Variants in SNX18 observed in about 807,000 individuals in gnomAD.
SNX18 encodes sorting nexin-18.
In SNX18, 35 loss-of-function variants were observed where a neutral mutation model predicts 48.7. The ratio of observed to expected loss-of-function variants is 0.72; its 90% confidence interval spans 0.55 to 0.95. The LOEUF (loss-of-function observed/expected upper bound fraction) is 0.95, where lower values mean the gene tolerates loss of function less well. SNX18 is among the 40% of genes least tolerant of loss of function. The pLI, the probability that SNX18 is intolerant of heterozygous loss-of-function variation, is 0.00. For missense variants in SNX18, 824 were observed against 871.0 expected, an observed-to-expected ratio of 0.95 and a Z score of 0.68; for synonymous variants, 492 against 384.7, an observed-to-expected ratio of 1.28 and a Z score of -3.26.
At chr5:54,617,028 C>T in the SNX18 span, among the ~76,000 whole-genome samples, 3 of 152,074 alleles carry the variant, frequency 2.0e-5, no homozygotes, top group Admixed American at 1.3e-4. Flanking sequence ...CTAGTTCCTT[C>T]GACATGAAGG....
At chr5:54,563,653 C>T in the SNX18 span, among the ~76,000 whole-genome samples, 404 of 152,224 alleles carry the variant, frequency 2.7e-3, 1 homozygote, top group African/African-American at 9.3e-3. Context: ...CTAGTGGCCC[C>T]ACCTGATGCT....
intron 1 of SNX18, among the ~76,000 whole-genome samples, chr5:54,522,943 A>C (rs1167563284): frequency 6.6e-6 from 1 of 152,152 alleles, no homozygotes; most frequent in Non-Finnish European, 1.5e-5. Context: ...CAACGGATGG[A>C]GTCTAACTAT....
downstream of SNX18, among the ~76,000 whole-genome samples, chr5:54,548,851 A>G (rs1315884989): frequency 6.6e-6 from 1 of 152,088 alleles, no homozygotes; most frequent in Non-Finnish European, 1.5e-5. Flanking sequence ...GACACCCTCA[A>G]TCCCACCCCA....
the SNX18 span, chr5:54,644,069 G>A: frequency 1.3e-5 from 2 of 152,172 alleles, no homozygotes; most frequent in Admixed American, 1.3e-4. Flanking sequence ...ATAACCTTAG[G>A]GACAATAAGC....
At chr5:54,609,004 C>T in the SNX18 span, among the ~76,000 whole-genome samples, 1 of 152,230 alleles carries the variant, frequency 6.6e-6, no homozygotes, top group Non-Finnish European at 1.5e-5. Context: ...AGCTCAGCTG[C>T]TAATTCCCCG....
chr5:54,628,003 C>T, the SNX18 span, among the ~76,000 whole-genome samples: 6 of 152,230 alleles, frequency 3.9e-5, no homozygotes, highest in South Asian at 2.1e-4. Flanking sequence ...ATCATTGCAG[C>T]GAGACCCTAT....
At chr5:54,626,640 A>G in the SNX18 span, among the ~76,000 whole-genome samples, 1 of 152,242 alleles carries the variant, frequency 6.6e-6, no homozygotes, top group African/African-American at 2.4e-5. Context: ...CTAGAGACAT[A>G]TTTGGTTGTC....
At chr5:54,628,340 C>A in the SNX18 span, among the ~76,000 whole-genome samples, 1 of 152,148 alleles carries the variant, frequency 6.6e-6, no homozygotes, top group African/African-American at 2.4e-5. Context: ...CTGTTCCAAG[C>A]CCACTGCACT....
chr5:54,594,816 A>G, the SNX18 span, among the ~76,000 whole-genome samples: 2 of 152,034 alleles, frequency 1.3e-5, no homozygotes, highest in African/African-American at 2.4e-5. Context: ...TTTAACTCTC[A>G]CCCTTCTCCC....
At chr5:54,645,172 T>C in the SNX18 span, 1 of 152,218 alleles carries the variant, frequency 6.6e-6, no homozygotes, top group Non-Finnish European at 1.5e-5. Context: ...ATGGTAAGAA[T>C]GATATAACCA....
chr5:54,549,765 C>T (rs769302296), downstream of SNX18, among the ~76,000 whole-genome samples: 1 of 152,196 alleles, frequency 6.6e-6, no homozygotes, highest in East Asian at 1.9e-4. Flanking sequence ...TCTGTGTTCA[C>T]GTCCCAACCC....
At chr5:54,551,900 G>A in the SNX18 span, among the ~76,000 whole-genome samples, 2 of 152,202 alleles carry the variant, frequency 1.3e-5, no homozygotes, top group African/African-American at 4.8e-5. Flanking sequence ...GATCCTCTGT[G>A]TGTGCACAAT....
the SNX18 span, among the ~76,000 whole-genome samples, chr5:54,585,581 C>T: frequency 6.6e-6 from 1 of 151,976 alleles, no homozygotes. Context: ...ATTTGCTGGG[C>T]CCAGCTTGTG....
At chr5:54,532,723 A>C (rs1444814918) in intron 1 of SNX18, among the ~76,000 whole-genome samples, 2 of 152,174 alleles carry the variant, frequency 1.3e-5, no homozygotes, top group Non-Finnish European at 2.9e-5. Flanking sequence ...ATCACGTTTA[A>C]TATTCATTAT....
At chr5:54,640,544 C>CTTA in the SNX18 span, among the ~76,000 whole-genome samples, 1 of 152,194 alleles carries the variant, frequency 6.6e-6, no homozygotes, top group African/African-American at 2.4e-5. Flanking sequence ...TCATCTTACG[C>CTTA]TCTGGCCTAC....
chr5:54,518,315 G>C lies in SNX18; in HGVS notation c.363G>C (p.Pro121=). 6.5e-7 allele frequency: 1 copy of C among 1,534,534 alleles called. No homozygotes were observed. The highest frequency in any genetic ancestry group is 1.2e-5 in the South Asian group (1 of 82,656). ...QQAPPPSTFQ[P]PGAGFPYGGG... Reference sequence around the variant, plus strand: ...CGCCGCCTCCGAGCACCTTCCAGCCGCCCGGCGCGGGCTTCCCGTACGGCG... The same window carrying C: ...CGCCGCCTCCGAGCACCTTCCAGCCCCCCGGCGCGGGCTTCCCGTACGGCG... Residue 121 remains proline, a synonymous_variant, in exon 1 of 2, where the codon CCG becomes CCC. Coordinates refer to ENST00000381410, the MANE Select transcript of SNX18 (RefSeq NM_001102575.2).
the SNX18 span, among the ~76,000 whole-genome samples, chr5:54,596,156 T>A: frequency 1.3e-5 from 2 of 152,220 alleles, no homozygotes; most frequent in Non-Finnish European, 2.9e-5. Context: ...TTCCAGAGTC[T>A]TGGTCTTCCC....
the SNX18 span, among the ~76,000 whole-genome samples, chr5:54,582,003 G>A: frequency 1.3e-5 from 2 of 152,118 alleles, no homozygotes; most frequent in Non-Finnish European, 2.9e-5. Flanking sequence ...GTTTCATCTG[G>A]AATATGAGTG....
chr5:54,574,771 G>T, the SNX18 span, among the ~76,000 whole-genome samples: 1 of 152,018 alleles, frequency 6.6e-6, no homozygotes, highest in Non-Finnish European at 1.5e-5. Context: ...GGGCGGGTAA[G>T]GGTGTACATG....
Sources: gnomAD v4.1 joint callset for allele counts (sites outside exome capture counted in the v4.1 genomes callset) on GRCh38, gnomAD v4.1.1 for gene constraint, MANE v1.5 for transcripts, NCBI Gene and HGNC (gene_info 2026-07-23, HGNC 2026-07-21) for gene names.